Variants in AKAP19 observed in about 807,000 individuals in gnomAD.
AKAP19 encodes A-kinase anchoring protein 19.
chr2:189,896,858 CATG>C, the AKAP19 span, among the ~76,000 whole-genome samples: 1 of 151,960 alleles, frequency 6.6e-6, no homozygotes, highest in African/African-American at 2.4e-5. Flanking sequence ...AAAAGAAGCA[CATG>C]ATATGTCAGT....
chr2:190,071,317 A>G, the AKAP19 span, among the ~76,000 whole-genome samples: 3 of 152,184 alleles, frequency 2.0e-5, no homozygotes, highest in African/African-American at 7.2e-5. Flanking sequence ...AGCTTGTTGT[A>G]GTGCCACACA....
chr2:190,124,356 A>G, the AKAP19 span, among the ~76,000 whole-genome samples: 1 of 152,282 alleles, frequency 6.6e-6, no homozygotes. Context: ...TATATGGTAT[A>G]GCCTATAACT....
the AKAP19 span, among the ~76,000 whole-genome samples, chr2:190,035,816 C>A: frequency 6.6e-6 from 1 of 152,072 alleles, no homozygotes; most frequent in African/African-American, 2.4e-5. Context: ...ATTTACCAGG[C>A]GATAGATAGT....
chr2:189,925,148 C>G, the AKAP19 span, among the ~76,000 whole-genome samples: 2 of 152,084 alleles, frequency 1.3e-5, no homozygotes, highest in African/African-American at 4.8e-5. Context: ...TCCTGAGATT[C>G]ATTCATACCC....
the AKAP19 span, chr2:190,202,391 G>A: frequency 6.0e-6 from 1 of 166,836 alleles, no homozygotes; most frequent in African/African-American, 2.4e-5. Context: ...TGAGCTAGTG[G>A]ATAAATCAAG....
chr2:189,948,360 T>C, the AKAP19 span, among the ~76,000 whole-genome samples: 3 of 90,222 alleles, frequency 3.3e-5, no homozygotes, highest in Admixed American at 2.8e-4. Flanking sequence ...AGAGGACATA[T>C]GCCTGTTTTT....
the AKAP19 span, among the ~76,000 whole-genome samples, chr2:190,183,854 A>G: frequency 6.6e-6 from 1 of 151,836 alleles, no homozygotes; most frequent in African/African-American, 2.4e-5. Flanking sequence ...TGAGGTTTCC[A>G]TACTTTCCAG....
At chr2:190,200,942 TCA>T in the AKAP19 span, 1 of 166,908 alleles carries the variant, frequency 6.0e-6, no homozygotes. Flanking sequence ...GTAGAAAGTT[TCA>T]GTTTTAATTC....
chr2:190,155,168 G>A, the AKAP19 span, among the ~76,000 whole-genome samples: 1 of 152,120 alleles, frequency 6.6e-6, no homozygotes, highest in African/African-American at 2.4e-5. Context: ...AATTACAGAA[G>A]AGCTACAACA....
chr2:189,940,154 C>T, the AKAP19 span, among the ~76,000 whole-genome samples: 4 of 152,022 alleles, frequency 2.6e-5, no homozygotes, highest in African/African-American at 9.7e-5. Flanking sequence ...TGGTGGGCCC[C>T]TGTAGTTCCA....
chr2:190,194,391 T>TA, the AKAP19 span, among the ~76,000 whole-genome samples: 5 of 151,456 alleles, frequency 3.3e-5, no homozygotes, highest in African/African-American at 4.9e-5. Context: ...GTGTATTTTT[T>TA]AAAAAAATAA....
At chr2:190,183,233 T>A in the AKAP19 span, among the ~76,000 whole-genome samples, 2 of 152,180 alleles carry the variant, frequency 1.3e-5, no homozygotes, top group Non-Finnish European at 2.9e-5. Flanking sequence ...GTTGTTAAAA[T>A]TCAAAGTATT....
At chr2:190,150,609 G>A in the AKAP19 span, among the ~76,000 whole-genome samples, 2 of 152,080 alleles carry the variant, frequency 1.3e-5, no homozygotes, top group Admixed American at 6.5e-5. Context: ...AGGGTGTGTG[G>A]GCCCTCTCAG....
the AKAP19 span, among the ~76,000 whole-genome samples, chr2:190,167,001 T>C: frequency 6.6e-6 from 1 of 152,186 alleles, no homozygotes; most frequent in South Asian, 2.1e-4. Context: ...AAATTATAGA[T>C]CATCTATTAG....
the AKAP19 span, among the ~76,000 whole-genome samples, chr2:189,934,257 G>A: frequency 6.6e-6 from 1 of 151,960 alleles, no homozygotes; most frequent in African/African-American, 2.4e-5. Flanking sequence ...CACATTTTTT[G>A]CATGTTGCAC....
At chr2:190,144,026 TG>T in the AKAP19 span, among the ~76,000 whole-genome samples, 1 of 67,838 alleles carries the variant, frequency 1.5e-5, no homozygotes, top group Admixed American at 2.0e-4. Flanking sequence ...TGTGGTGGGG[TG>T]GGGGGAGGGG....
chr2:190,030,796 GAC>G, the AKAP19 span, among the ~76,000 whole-genome samples: 6 of 152,174 alleles, frequency 3.9e-5, no homozygotes, highest in African/African-American at 1.4e-4. Context: ...TGTATTTGGA[GAC>G]ACAGAAAAGT....
the AKAP19 span, among the ~76,000 whole-genome samples, chr2:189,899,055 A>G: frequency 6.6e-6 from 1 of 152,130 alleles, no homozygotes; most frequent in Non-Finnish European, 1.5e-5. Context: ...GCTTCTGTAT[A>G]CATTCCTTGC....
chr2:189,932,545 C>T, the AKAP19 span, among the ~76,000 whole-genome samples: 165 of 151,650 alleles, frequency 1.1e-3, 1 homozygote, highest in African/African-American at 3.6e-3. Context: ...TATCCCTTCT[C>T]CTTTATTTAC....
Sources: gnomAD v4.1 joint callset for allele counts (sites outside exome capture counted in the v4.1 genomes callset) on GRCh38, gnomAD v4.1.1 for gene constraint, MANE v1.5 for transcripts, NCBI Gene and HGNC (gene_info 2026-07-23, HGNC 2026-07-21) for gene names.